The following GOLGA8T variants were observed in gnomAD, a reference collection of about 807,000 sequenced individuals.
GOLGA8T encodes the protein golgin A8 family member T.
In GOLGA8T, 17 loss-of-function variants were observed where a neutral mutation model predicts 52.0. That is an observed-to-expected ratio of 0.33 (90% CI 0.22 to 0.49). The LOEUF (loss-of-function observed/expected upper bound fraction) is 0.49. Ranked by LOEUF, GOLGA8T falls within the 20% of genes least tolerant of loss-of-function variation. The pLI, the probability that GOLGA8T is intolerant of heterozygous loss-of-function variation, is 0.99. For missense variants in GOLGA8T, 154 were observed against 462.1 expected (o/e 0.33, Z 6.11); for synonymous variants, 67 against 169.5 (o/e 0.40, Z 4.70).
chr15:30,139,617 A>G, intron 7 of GOLGA8T, 38 bp downstream of exon 7: 1 of 234,216 alleles, frequency 4.3e-6, no homozygotes, highest in South Asian at 2.9e-5. Context: ...TCAACCTGGC[A>G]CTTTGACAGG....
chr15:30,140,220 T>C (rs2057724194), intron 8 of GOLGA8T: 1 of 441,920 alleles, frequency 2.3e-6, no homozygotes, highest in African/African-American at 3.0e-5. Flanking sequence ...TCTGCAAGGG[T>C]TCATAAAAAA....
At chr15:30,140,241 A>G in intron 8 of GOLGA8T, 1 of 411,560 alleles carries the variant, frequency 2.4e-6, no homozygotes. Flanking sequence ...GTCAGGAGAG[A>G]GCAACAAGAT....
chr15:30,140,858 A>T lies in GOLGA8T; in HGVS notation c.608A>T (p.Lys203Ile). The change falls in exon 9 of 19, where the codon AAA (lysine) becomes ATA (isoleucine). Residue 203 changes from lysine to isoleucine, a missense_variant. Around this residue, in one of 6 missense-constraint regions of GOLGA8T, gnomAD observed 56 missense variants for 134.2 expected, o/e 0.42. Coordinates refer to ENST00000569052, the MANE Select transcript of GOLGA8T (RefSeq NM_001355469.2). ...ACCATCCAGTTGTCCAGCCGCAGCA[A>T]AGCACGTACGGAGTGGAAGTTAGAG... ...KKANQLSSRS[K>I]ARTEWKLEQS... 1 of 1,565,018 alleles carries T rather than the reference A, an allele frequency of 6.4e-7. No homozygotes were observed. Among genetic ancestry groups the T allele is most frequent in the Non-Finnish European group, 8.6e-7 (1 of 1,161,534 alleles).
intron 8 of GOLGA8T, among the ~76,000 whole-genome samples, chr15:30,140,596 A>G (rs1379149871): frequency 2.8e-5 from 4 of 141,910 alleles, no homozygotes; most frequent in Non-Finnish European, 6.0e-5. Flanking sequence ...GGTAATAATA[A>G]CAGTAATAAC....
At position 30,145,659 on chromosome 15, in the gene GOLGA8T, T is replaced by G. The variant is rs1306006764; in HGVS notation, c.*92T>G. ...TCCTACACAATTCATTTACTTCCTTTGAATGTTAGACTCACTCATGATTAT... is the reference window on the plus strand; with the variant it reads ...TCCTACACAATTCATTTACTTCCTTGGAATGTTAGACTCACTCATGATTAT... On this transcript the variant is annotated 3_prime_UTR_variant, in exon 19 of 19. Coordinates refer to ENST00000569052, the MANE Select transcript of GOLGA8T (RefSeq NM_001355469.2). 5.8e-6 allele frequency: 5 copies of G among 860,326 alleles called. No homozygotes were observed. Among genetic ancestry groups the G allele is most frequent in the Non-Finnish European group, 8.5e-6 (5 of 588,456 alleles). 53.3% of individuals were successfully genotyped at this position (860,326 alleles called of 1,614,324 possible).
chr15:30,141,426 G>A lies in GOLGA8T; in HGVS notation c.874+1G>A, dbSNP rs2057743041. 2.6e-6 allele frequency: 4 copies of A among 1,527,834 alleles called. No homozygotes were observed. The highest frequency in any genetic ancestry group is 1.8e-4 in the Middle Eastern group (1 of 5,552). The allele number at this position is 1,527,834 out of a possible 1,614,324, so 94.6% of individuals were successfully genotyped here. On this transcript the variant is annotated splice_donor_variant, in intron 11 of 18. Coordinates refer to ENST00000569052, the MANE Select transcript of GOLGA8T (RefSeq NM_001355469.2). LOFTEE classifies it high-confidence loss of function. ...TTGTCCAAACTCAAAAACCAGATGG[G>A]TAAGATGGGGCTGGCATGACCTAGG...
At position 30,139,574 on chromosome 15, in the gene GOLGA8T, TTGAAGG is replaced by T; in HGVS notation, c.479_481+3del. ...CACATGAAACGTTCTCTCAGATACT[TTGAAGG>T]TGGGAATCTGGGCACCCTGTCATCC... On this transcript the variant is annotated splice_donor_variant and coding_sequence_variant, in exon 7 of 19. Coordinates refer to ENST00000569052, the MANE Select transcript of GOLGA8T (RefSeq NM_001355469.2). LOFTEE classifies it high-confidence loss of function. 1 of 243,376 alleles carries T rather than the reference TTGAAGG, an allele frequency of 4.1e-6. No homozygotes were observed. Among genetic ancestry groups the T allele is most frequent in the South Asian group, 2.8e-5 (1 of 35,166 alleles). The allele number at this position is 243,376 out of a possible 1,614,324, so 15.1% of individuals were successfully genotyped here.
intron 13 of GOLGA8T, 23 bp downstream of exon 13, chr15:30,142,405 C>T (rs1232079033): frequency 2.2e-5 from 34 of 1,570,832 alleles, no homozygotes; most frequent in Non-Finnish European, 2.9e-5. Context: ...GAAACCTCCA[C>T]CCCATCCAAG....
At chr15:30,142,506 C>G (rs1330102138) in intron 13 of GOLGA8T, 124 bp downstream of exon 13, 1 of 1,508,926 alleles carries the variant, frequency 6.6e-7, no homozygotes, top group Non-Finnish European at 8.8e-7. Flanking sequence ...CACAGCACCC[C>G]CCAGGGCAGT....
intron 2 of GOLGA8T, among the ~76,000 whole-genome samples, chr15:30,137,194 G>A (rs1382170191): frequency 2.0e-5 from 3 of 146,824 alleles, no homozygotes; most frequent in Non-Finnish European, 4.5e-5. Context: ...TGGTTAACAC[G>A]GTGAAACCCT....
chr15:30,145,007 G>C lies in GOLGA8T; in HGVS notation c.1515G>C (p.Ala505=). The C allele has an allele frequency of 7.3e-7, 1 of 1,362,054 alleles. No individual in the cohort carries two copies. Among genetic ancestry groups the C allele is most frequent in the Non-Finnish European group, 9.8e-7 (1 of 1,021,946 alleles). The allele number at this position is 1,362,054 out of a possible 1,614,324, so 84.4% of individuals were successfully genotyped here. A position where few individuals can be genotyped will look rare whatever the true frequency, so the allele number is the denominator to read the frequency against. The change falls in exon 17 of 19, where the codon GCG becomes GCC. Residue 505 remains alanine (A), a synonymous_variant. Transcript: ENST00000569052. ...AACCAGGGGGCTGTGCCAAAGATGC[G>C]GCACTGGGAGGAGGACACCATCAGG... ...LSEPGGCAKD[A]ALGGGHHQAG...
Position 30,141,846 on chromosome 15 carries a change from G to T in GOLGA8T, c.919G>T (p.Glu307Ter). 1 of 562,288 alleles carries T rather than the reference G, an allele frequency of 1.8e-6. No homozygotes were observed. Among genetic ancestry groups the T allele is most frequent in the Non-Finnish European group, 2.9e-6 (1 of 347,886 alleles). 34.8% of individuals were successfully genotyped at this position (562,288 alleles called of 1,614,324 possible). The change falls in exon 12 of 19, where the codon GAG becomes TAG. Residue 307 changes from glutamate (E) to a stop codon, truncating the protein, a stop_gained. Coordinates refer to ENST00000569052, the MANE Select transcript of GOLGA8T (RefSeq NM_001355469.2). LOFTEE classifies it high-confidence loss of function. ...PEPPAVPSEV[E>*]LQHLRKELER... ...GCCCCCAGCAGTGCCCTCTGAGGTGGAGCTGCAGCACCTGAGGAAGGAACT... is the reference window on the plus strand; with the variant it reads ...GCCCCCAGCAGTGCCCTCTGAGGTGTAGCTGCAGCACCTGAGGAAGGAACT...
intron 13 of GOLGA8T, among the ~76,000 whole-genome samples, 193 bp from the exon 14 acceptor site, chr15:30,143,413 C>T (rs1396336127): frequency 8.0e-6 from 1 of 125,526 alleles, no homozygotes; most frequent in Non-Finnish European, 1.5e-5. Flanking sequence ...GAAGGAGGCG[C>T]TGTACAGGCA....
Position 30,141,261 on chromosome 15 carries a change from G to A in GOLGA8T, c.787-77G>A, listed in dbSNP as rs1384378867. 9.1e-6 allele frequency: 14 copies of A among 1,540,040 alleles called. 1 individual carries two copies. The highest frequency in any genetic ancestry group is 1.2e-5 in the Non-Finnish European group (14 of 1,150,924). ...ATGGGTCTGGGCTTTGTGGAGGTGG[G>A]GGCAGAGAGGGAGAGGGCAGCCTGT... On this transcript the variant is annotated intron_variant, in intron 10 of 18. Transcript: ENST00000569052.
chr15:30,142,994 C>G, intron 13 of GOLGA8T, among the ~76,000 whole-genome samples: 1 of 103,790 alleles, frequency 9.6e-6, no homozygotes, highest in East Asian at 2.2e-4. Flanking sequence ...GGATTCCAGC[C>G]TCGGTTGCAC....
At position 30,141,489 on chromosome 15, in the gene GOLGA8T, G is replaced by A. The variant is rs1595416455; in HGVS notation, c.874+64G>A. On this transcript the variant is annotated intron_variant, in intron 11 of 18. Transcript: ENST00000569052. ...ATCAGAGGGCTGTGAGGGTGGCTTA[G>A]AGTGCCCCAGGGAGGTGGGTGGATG... 5 of 1,458,434 alleles carry A rather than the reference G, an allele frequency of 3.4e-6. 1 individual carries two copies. Among genetic ancestry groups the A allele is most frequent in the Non-Finnish European group, 4.6e-6 (5 of 1,095,734 alleles). 90.3% of individuals were successfully genotyped at this position (1,458,434 alleles called of 1,614,324 possible). A position where few individuals can be genotyped will look rare whatever the true frequency, so the allele number is the denominator to read the frequency against.
intron 13 of GOLGA8T, among the ~76,000 whole-genome samples, chr15:30,142,859 G>T (rs1438218295): frequency 9.5e-6 from 1 of 105,030 alleles, no homozygotes; most frequent in Non-Finnish European, 1.7e-5. Flanking sequence ...TGAGGCACGA[G>T]AATTGCTTCA....
chr15:30,142,709 G>A (rs2057763118), intron 13 of GOLGA8T, among the ~76,000 whole-genome samples: 1 of 128,468 alleles, frequency 7.8e-6, no homozygotes, highest in Admixed American at 7.4e-5. Context: ...GGCTGAGGCA[G>A]GAGAATCACT....
At position 30,144,847 on chromosome 15, in the gene GOLGA8T, C is replaced by T. The variant is rs1338673397; in HGVS notation, c.1437C>T (p.Phe479=). 1 of 1,575,118 alleles carries T rather than the reference C, an allele frequency of 6.3e-7. No individual in the cohort carries two copies. ...LSELVKKELC[F]IHHWRDRRHQ... ...AGCTGGTGAAAAAAGAACTCTGCTT[C>T]ATCCACCACTGGCGAGACAGACGCC... Residue 479 remains phenylalanine (F), a synonymous_variant, in exon 16 of 19, where the codon TTC becomes TTT. Transcript: ENST00000569052.
Sources: allele counts gnomAD v4.1 joint callset (sites outside exome capture counted in the v4.1 genomes callset), GRCh38; gene constraint gnomAD v4.1.1; regional missense constraint gnomAD v4.1.1; transcripts MANE v1.5; gene names NCBI Gene and HGNC (gene_info 2026-07-23, HGNC 2026-07-21).